Variants in FAM227B observed in about 807,000 individuals in gnomAD.
FAM227B encodes the protein family with sequence similarity 227 member B, also known as protein FAM227B.
In FAM227B, 88 loss-of-function variants were observed where a neutral mutation model predicts 73.8. The ratio of observed to expected loss-of-function variants is 1.19; its 90% CI spans 1.00 to 1.42. The LOEUF (loss-of-function observed/expected upper bound fraction) is 1.42, where lower values mean the gene tolerates loss of function less well. Among genes scored for constraint, FAM227B ranks in the 40% most tolerant of loss-of-function variants. The probability of loss-of-function intolerance (pLI) is 0.00; values close to 1 mark genes in which losing one functional copy is unlikely to be tolerated. For missense variants in FAM227B, 632 were observed against 590.9 expected, an observed-to-expected ratio of 1.07 and a Z score of -0.72; for synonymous variants, 210 against 190.5, an observed-to-expected ratio of 1.10 and a Z score of -0.84.
intron 10 of FAM227B, among the ~76,000 whole-genome samples, chr15:49,512,449 A>C (rs1013053064): frequency 3.3e-5 from 5 of 152,026 alleles, no homozygotes; most frequent in African/African-American, 1.2e-4. Context: ...TTTCTTTCTG[A>C]ATTATTTTTT....
At position 49,568,126 on chromosome 15, in the gene FAM227B, C is replaced by G. The variant is rs188813766; in HGVS notation, c.747+119G>C. 7.6e-4 allele frequency: 611 copies of G among 803,624 alleles called. 1 individual carries two copies. In the African/African-American group the frequency reaches 0.01, roughly 14 times the overall value. 49.8% of individuals were successfully genotyped at this position (803,624 alleles called of 1,614,324 possible). The stretch of plus-strand genomic sequence containing the variant: ...TTCAAAATATTACTAATACTCTACA[C>G]CAACTTTGCTTTCAAAAGTAACAAA... On this transcript the variant is annotated intron_variant, in intron 9 of 15. Transcript: ENST00000299338.
intron 14 of FAM227B, among the ~76,000 whole-genome samples, 178 bp downstream of exon 14, chr15:49,335,241 G>A (rs577608076): frequency 3.9e-5 from 6 of 152,160 alleles, no homozygotes; most frequent in African/African-American, 1.2e-4. Context: ...ACTTGCCATG[G>A]CTCCATGGTT....
chr15:49,589,234 C>A (rs887901527), intron 4 of FAM227B, among the ~76,000 whole-genome samples: 7 of 152,042 alleles, frequency 4.6e-5, no homozygotes, highest in East Asian at 1.9e-4. Context: ...AACTATCACC[C>A]CTTTTACTTT....
chr15:49,616,400 C>T (rs1304541437), intron 1 of FAM227B, among the ~76,000 whole-genome samples: 1 of 152,006 alleles, frequency 6.6e-6, no homozygotes, highest in Non-Finnish European at 1.5e-5. Flanking sequence ...TGCTTGTTGG[C>T]TGTTTGTTAC....
chr15:49,431,162 TAG>T (rs1479769704), intron 11 of FAM227B, among the ~76,000 whole-genome samples: 1 of 151,838 alleles, frequency 6.6e-6, no homozygotes, highest in African/African-American at 2.4e-5. Flanking sequence ...TTCAATGAAA[TAG>T]ACTTTAATAT....
chr15:49,391,347 T>C (rs904239237), intron 11 of FAM227B, among the ~76,000 whole-genome samples: 1 of 152,102 alleles, frequency 6.6e-6, no homozygotes, highest in Admixed American at 6.6e-5. Context: ...TTGAGTCCCT[T>C]CAAGAGAAAT....
At chr15:49,365,567 C>T (rs2045007847) in intron 13 of FAM227B, 5 of 888,938 alleles carry the variant, frequency 5.6e-6, no homozygotes, top group South Asian at 5.2e-5. Flanking sequence ...GGTCCAGCTG[C>T]AAGTTTAACC....
At chr15:49,481,960 C>T (rs1314168522) in intron 11 of FAM227B, among the ~76,000 whole-genome samples, 1 of 151,878 alleles carries the variant, frequency 6.6e-6, no homozygotes, top group African/African-American at 2.4e-5. Flanking sequence ...TTTTATTATC[C>T]AGGTAGCAAA....
chr15:49,560,356 G>A lies in FAM227B; in HGVS notation c.747+7889C>T, dbSNP rs1038821009. On this transcript the variant is annotated intron_variant, in intron 9 of 15. Coordinates refer to ENST00000299338, the MANE Select transcript of FAM227B (RefSeq NM_152647.3). ...AAAATAATTAAGAAAAATGAACAAAGTATCAAAAAAATGGTATTATGTAAA... is the reference window on the plus strand; with the variant it reads ...AAAATAATTAAGAAAAATGAACAAAATATCAAAAAAATGGTATTATGTAAA... Among the ~76,000 whole-genome samples, 20 of 151,900 alleles carry A rather than the reference G, an allele frequency of 1.3e-4. 1 individual carries two copies. Among genetic ancestry groups the A allele is most frequent in the Admixed American group, 8.5e-4 (13 of 15,258 alleles).
intron 11 of FAM227B, among the ~76,000 whole-genome samples, chr15:49,398,143 T>C (rs895230349): frequency 3.0e-4 from 46 of 152,016 alleles, no homozygotes; most frequent in Non-Finnish European, 5.9e-4. Flanking sequence ...AAATAAAAGG[T>C]TGGAGGAAGA....
chr15:49,493,587 C>A (rs1052286107), intron 11 of FAM227B, among the ~76,000 whole-genome samples: 3 of 151,928 alleles, frequency 2.0e-5, no homozygotes, highest in Non-Finnish European at 4.4e-5. Flanking sequence ...GATGATTTTT[C>A]TCTTCTATAA....
intron 9 of FAM227B, among the ~76,000 whole-genome samples, chr15:49,544,555 G>C (rs577006629): frequency 1.3e-5 from 2 of 152,232 alleles, no homozygotes; most frequent in Non-Finnish European, 2.9e-5. Context: ...AATAGAAGTG[G>C]TGAAAGTGGG....
intron 9 of FAM227B, among the ~76,000 whole-genome samples, chr15:49,554,382 C>T (rs1457846591): frequency 1.3e-5 from 2 of 152,170 alleles, no homozygotes; most frequent in African/African-American, 2.4e-5. Flanking sequence ...GCTTAAGAGT[C>T]GCAGTCCTTA....
chr15:49,548,606 T>C (rs899649832), intron 9 of FAM227B, among the ~76,000 whole-genome samples: 1 of 152,186 alleles, frequency 6.6e-6, no homozygotes, highest in Non-Finnish European at 1.5e-5. Context: ...TTGGTATTAG[T>C]TCTTCTTTGA....
chr15:49,334,337 A>T, intron 14 of FAM227B: 1 of 593,908 alleles, frequency 1.7e-6, no homozygotes, highest in South Asian at 7.5e-5. Context: ...TAATGCAGGC[A>T]TTACTAATTG....
At chr15:49,375,385 G>C (rs1464894373) in intron 11 of FAM227B, among the ~76,000 whole-genome samples, 2 of 152,026 alleles carry the variant, frequency 1.3e-5, no homozygotes, top group African/African-American at 2.4e-5. Flanking sequence ...TGGCATTTTT[G>C]GGAGTTACTT....
At chr15:49,555,609 A>G (rs1269738343) in intron 9 of FAM227B, among the ~76,000 whole-genome samples, 1 of 152,176 alleles carries the variant, frequency 6.6e-6, no homozygotes, top group Non-Finnish European at 1.5e-5. Context: ...GAGGGTGGGT[A>G]ATTTTTCACA....
At chr15:49,479,047 A>T (rs896241007) in intron 11 of FAM227B, among the ~76,000 whole-genome samples, 10 of 152,206 alleles carry the variant, frequency 6.6e-5, no homozygotes, top group Admixed American at 5.9e-4. Flanking sequence ...ACAGACAAAA[A>T]GGTTTAGATA....
At chr15:49,474,827 GA>G (rs1321068852) in intron 11 of FAM227B, among the ~76,000 whole-genome samples, 1 of 152,066 alleles carries the variant, frequency 6.6e-6, no homozygotes, top group Non-Finnish European at 1.5e-5. Context: ...TGCTCCGTAC[GA>G]AAATCTCACT....
Sources: gnomAD v4.1 joint callset for allele counts (sites outside exome capture counted in the v4.1 genomes callset) on GRCh38, gnomAD v4.1.1 for gene constraint, MANE v1.5 for transcripts, NCBI Gene and HGNC (gene_info 2026-07-23, HGNC 2026-07-21) for gene names.